The following DNAH3 variants were observed in gnomAD, a reference collection of about 807,000 sequenced individuals.
DNAH3 encodes dynein axonemal heavy chain 3.
In DNAH3, 332 loss-of-function variants were observed where a neutral mutation model predicts 432.5. The observed-to-expected ratio is 0.77, with a 90% CI of 0.70 to 0.84. The LOEUF is 0.84. DNAH3 is among the 40% of genes least tolerant of loss of function. The pLI, the probability that DNAH3 is intolerant of heterozygous loss-of-function variation, is 0.00. For missense variants in DNAH3, 4,861 were observed against 5,114.0 expected, an observed-to-expected ratio of 0.95 and a Z score of 1.51; for synonymous variants, 1,956 against 1,900.2, an observed-to-expected ratio of 1.03 and a Z score of -0.76.
intron 21 of DNAH3, among the ~76,000 whole-genome samples, chr16:21,072,628 G>A (rs905039367): frequency 7.9e-5 from 12 of 151,508 alleles, no homozygotes; most frequent in Non-Finnish European, 1.8e-4. Context: ...GAGCCACCAT[G>A]CCTGGCTTGT....
intron 17 of DNAH3, among the ~76,000 whole-genome samples, 165 bp downstream of exon 17, chr16:21,098,451 A>G (rs1009812480): frequency 1.3e-5 from 2 of 151,348 alleles, no homozygotes; most frequent in African/African-American, 2.4e-5. Flanking sequence ...AAAAAAAAAA[A>G]AAAAAAAGAA....
In DNAH3 at chr16:20,941,470, T is replaced by C. The variant is rs777091923; in HGVS notation, c.11585A>G (p.Lys3862Arg). Residue 3862 changes from lysine (K) to arginine (R), a missense_variant, in exon 59 of 62, where the codon AAG becomes AGG. By Grantham distance (26) the Lys-to-Arg change is conservative. Coordinates refer to ENST00000261383, the Ensembl canonical transcript of DNAH3. Reference sequence around the variant, plus strand: ...TTCTTCATAGACCACGGGGTACAACTTCATGACCTCTTCCAGGTCAAAGTC... The same window carrying C: ...TTCTTCATAGACCACGGGGTACAACCTCATGACCTCTTCCAGGTCAAAGTC... 4.2e-5 allele frequency: 68 copies of C among 1,614,048 alleles called. No individual in the cohort carries two copies. Among genetic ancestry groups the C allele is most frequent in the Non-Finnish European group, 5.6e-5 (66 of 1,180,016 alleles).
chr16:21,030,313 C>G (rs1276866503), intron 37 of DNAH3, among the ~76,000 whole-genome samples: 1 of 152,120 alleles, frequency 6.6e-6, no homozygotes, highest in Admixed American at 6.5e-5. Context: ...AATCACCCAC[C>G]ACATAGGAAG....
At chr16:21,024,139 G>A (rs1245677994) in intron 39 of DNAH3, among the ~76,000 whole-genome samples, 1 of 152,158 alleles carries the variant, frequency 6.6e-6, no homozygotes, top group East Asian at 1.9e-4. Flanking sequence ...TAGCTGCAGT[G>A]AAAGCACTTC....
At chr16:21,141,851 G>A (rs1045373520) in intron 3 of DNAH3, among the ~76,000 whole-genome samples, 1 of 151,926 alleles carries the variant, frequency 6.6e-6, no homozygotes, top group Non-Finnish European at 1.5e-5. Context: ...AGGAGTTCAC[G>A]ACCAGCCTGG....
intron 53 of DNAH3, among the ~76,000 whole-genome samples, chr16:20,961,173 T>C (rs1202438216): frequency 6.6e-6 from 1 of 152,214 alleles, no homozygotes; most frequent in Non-Finnish European, 1.5e-5. Flanking sequence ...TGTTACGAAC[T>C]GCATCGTGTC....
At chr16:21,070,721 C>T (rs147320865) in exon 22 of DNAH3, 133 of 1,607,634 alleles carry the variant, frequency 8.3e-5, no homozygotes, top group Non-Finnish European at 1.1e-4. Context: ...CGGCATTCTG[C>T]TTCTATTGGT....
intron 30 of DNAH3, 85 bp downstream of exon 30, chr16:21,049,825 C>A (rs2089876529): frequency 3.6e-6 from 5 of 1,378,712 alleles, no homozygotes; most frequent in Middle Eastern, 1.9e-4. Flanking sequence ...AATGCTAAAC[C>A]ATCTTAAAGT....
chr16:21,057,489 G>A (rs1316981139), intron 27 of DNAH3, among the ~76,000 whole-genome samples: 1 of 152,162 alleles, frequency 6.6e-6, no homozygotes, highest in Non-Finnish European at 1.5e-5. Flanking sequence ...TACAGACAAG[G>A]AGCTTGAGAG....
At chr16:21,060,661 A>T (rs1183487593) in intron 25 of DNAH3, among the ~76,000 whole-genome samples, 1 of 149,980 alleles carries the variant, frequency 6.7e-6, no homozygotes, top group African/African-American at 2.5e-5. Context: ...AGTAGCTGGG[A>T]TTACAGGCGT....
exon 29 of DNAH3, chr16:21,051,673 T>C (rs2089960502): frequency 1.9e-6 from 3 of 1,612,632 alleles, no homozygotes; most frequent in African/African-American, 1.3e-5. Flanking sequence ...AGTGTACCTG[T>C]AGCAGCGGTC....
At chr16:20,963,934 A>T in exon 53 of DNAH3, 1 of 1,614,170 alleles carries the variant, frequency 6.2e-7, no homozygotes, top group Non-Finnish European at 8.5e-7. Context: ...GTACTGGTAC[A>T]TCGGCTCGAT....
chr16:21,104,382 G>C (rs2091902267), intron 16 of DNAH3, 89 bp downstream of exon 16: 3 of 1,144,460 alleles, frequency 2.6e-6, no homozygotes, highest in Admixed American at 1.7e-5. Context: ...GGAGTGAGCT[G>C]GGGGATGGCT....
intron 28 of DNAH3, among the ~76,000 whole-genome samples, chr16:21,053,619 C>G (rs1254911096): frequency 6.6e-6 from 1 of 152,088 alleles, no homozygotes; most frequent in Non-Finnish European, 1.5e-5. Flanking sequence ...CTTCTCCCTC[C>G]CTGATGTTAT....
chr16:20,962,374 G>T (rs2084863652), intron 53 of DNAH3, among the ~76,000 whole-genome samples: 1 of 152,112 alleles, frequency 6.6e-6, no homozygotes, highest in South Asian at 2.1e-4. Flanking sequence ...ATTGGCCAAA[G>T]CTGTGGCCCG....
Position 21,127,669 on chromosome 16 carries a change from T to C in DNAH3, c.1208+18A>G. The stretch of plus-strand genomic sequence containing the variant: ...TAAGATACCATGGTGCAGCCCCACT[T>C]GGAGGGCAGATACTGACTTGTTGAG... On this transcript the variant is annotated intron_variant, in intron 8 of 61. Coordinates refer to ENST00000261383, the Ensembl canonical transcript of DNAH3. 1.9e-6 allele frequency: 3 copies of C among 1,613,674 alleles called. No homozygotes were observed. In the East Asian group the frequency reaches 6.7e-5, roughly 36 times the overall value.
At chr16:21,119,426 G>T (rs532183359) in intron 11 of DNAH3, among the ~76,000 whole-genome samples, 18 of 151,964 alleles carry the variant, frequency 1.2e-4, no homozygotes, top group African/African-American at 4.3e-4. Context: ...GAGCTCACGA[G>T]TTCAAGACCA....
chr16:21,145,095 G>C (rs2092766035), intron 3 of DNAH3, 86 bp downstream of exon 4: 1 of 1,201,864 alleles, frequency 8.3e-7, no homozygotes, highest in African/African-American at 1.5e-5. Context: ...CTGGGCGACA[G>C]AGTGAGACTC....
intron 7 of DNAH3, among the ~76,000 whole-genome samples, chr16:21,131,093 T>G (rs1027734138): frequency 1.1e-4 from 17 of 152,014 alleles, no homozygotes; most frequent in Admixed American, 6.6e-4. Flanking sequence ...TCGCAACACT[T>G]TGGGAGGCTG....
Sources: gnomAD v4.1 joint callset for allele counts (sites outside exome capture counted in the v4.1 genomes callset) on GRCh38, gnomAD v4.1.1 for gene constraint, MANE v1.5 for transcripts, NCBI Gene and HGNC (gene_info 2026-07-23, HGNC 2026-07-21) for gene names.